The following SEPTIN7 variants were observed in gnomAD, a reference collection of about 807,000 sequenced individuals.
SEPTIN7 encodes septin-7.
In SEPTIN7, 10 loss-of-function variants were observed where a neutral mutation model predicts 63.3. The observed-to-expected ratio is 0.16, with a 90% CI of 0.10 to 0.27. The LOEUF is 0.27. Among genes scored for constraint, SEPTIN7 ranks in the 10% least tolerant of loss-of-function variants. The pLI, the probability that SEPTIN7 is intolerant of heterozygous loss-of-function variation, is 1.00. For synonymous variants in SEPTIN7, 131 were observed against 165.3 expected, an observed-to-expected ratio of 0.79 and a Z score of 1.59; for missense variants, 310 against 521.0, an observed-to-expected ratio of 0.59 and a Z score of 3.94.
chr7:35,847,379 C>A, intron 3 of SEPTIN7: 1 of 165,526 alleles, frequency 6.0e-6, no homozygotes, highest in South Asian at 1.6e-4. Context: ...CATCAGGGCC[C>A]CCGGGTAACT....
At chr7:35,819,871 ACCTTTTGATTGGAGT>A (rs1439526192) in intron 1 of SEPTIN7, among the ~76,000 whole-genome samples, 1 of 151,872 alleles carries the variant, frequency 6.6e-6, no homozygotes, top group African/African-American at 2.4e-5. Flanking sequence ...GCCATTCTTT[ACCTTTTGATTGGAGT>A]CCTATTATAC....
rs538181330 is a variant in SEPTIN7 at position 35,892,843 on chromosome 7, A to G, written c.998+2050A>G. 2.6e-5 allele frequency among the ~76,000 whole-genome samples: 4 copies of G among 152,288 alleles called. No individual in the cohort carries two copies. The South Asian group carries it at 8.3e-4, about 32-fold the overall frequency. ...TGACCATACTTTGCCTATGCAAATAAAAAAAGAAATGTTTGCATTGCTAAA... is the reference window on the plus strand; with the variant it reads ...TGACCATACTTTGCCTATGCAAATAGAAAAAGAAATGTTTGCATTGCTAAA... On this transcript the variant is annotated intron_variant, in intron 11 of 13. Transcript: ENST00000350320.
chr7:35,841,684 G>A (rs528293409), intron 3 of SEPTIN7, among the ~76,000 whole-genome samples: 25 of 152,286 alleles, frequency 1.6e-4, no homozygotes, highest in African/African-American at 5.5e-4. Flanking sequence ...TATGAAGGCC[G>A]CATAGTCTGT....
intron 1 of SEPTIN7, among the ~76,000 whole-genome samples, chr7:35,828,850 T>C (rs1268581995): frequency 6.6e-6 from 1 of 152,174 alleles, no homozygotes; most frequent in East Asian, 1.9e-4. Flanking sequence ...AGCCTCAACC[T>C]CCTGGGCTAA....
At chr7:35,892,051 T>G (rs866470692) in intron 11 of SEPTIN7, among the ~76,000 whole-genome samples, 1 of 152,210 alleles carries the variant, frequency 6.6e-6, no homozygotes, top group South Asian at 2.1e-4. Context: ...CACCATCATA[T>G]ATGCCATCCC....
chr7:35,818,854 GT>G (rs369530002), intron 1 of SEPTIN7, among the ~76,000 whole-genome samples: 33 of 146,360 alleles, frequency 2.3e-4, no homozygotes, highest in Middle Eastern at 3.5e-3. Flanking sequence ...GAGTGTTCTG[GT>G]TTTTTTTTTC....
intron 3 of SEPTIN7, among the ~76,000 whole-genome samples, chr7:35,837,518 C>G (rs1254727787): frequency 1.3e-5 from 2 of 151,956 alleles, no homozygotes; most frequent in Non-Finnish European, 2.9e-5. Context: ...AATAATAAAG[C>G]TTTGGAAGTT....
chr7:35,839,275 A>G (rs888674701), intron 3 of SEPTIN7, among the ~76,000 whole-genome samples: 6 of 152,242 alleles, frequency 3.9e-5, no homozygotes, highest in African/African-American at 7.2e-5. Context: ...GATAATAATC[A>G]TTAATATATG....
chr7:35,891,707 CTG>C (rs1403731646), intron 11 of SEPTIN7, among the ~76,000 whole-genome samples: 2 of 152,168 alleles, frequency 1.3e-5, no homozygotes, highest in East Asian at 3.8e-4. Flanking sequence ...TTTATGAACA[CTG>C]TACACTTAGG....
chr7:35,859,189 G>A (rs754963362), intron 3 of SEPTIN7, among the ~76,000 whole-genome samples: 33 of 151,642 alleles, frequency 2.2e-4, no homozygotes, highest in Non-Finnish European at 4.1e-4. Flanking sequence ...CGTAAGTTTC[G>A]GCATGTTGGG....
chr7:35,849,227 T>A (rs1463561794), intron 3 of SEPTIN7, among the ~76,000 whole-genome samples: 1 of 152,208 alleles, frequency 6.6e-6, no homozygotes, highest in Non-Finnish European at 1.5e-5. Context: ...ATGTATCTAA[T>A]GTAGTCTAGA....
chr7:35,894,543 A>G (rs1787843750), intron 11 of SEPTIN7, among the ~76,000 whole-genome samples: 1 of 152,188 alleles, frequency 6.6e-6, no homozygotes, highest in African/African-American at 2.4e-5. Context: ...TCTTTATTCA[A>G]GTGTCCTTTC....
At chr7:35,822,054 C>G in intron 1 of SEPTIN7, among the ~76,000 whole-genome samples, 1 of 150,850 alleles carries the variant, frequency 6.6e-6, no homozygotes, top group Middle Eastern at 3.6e-3. Flanking sequence ...GGATTACAGG[C>G]GTGAGCCACC....
chr7:35,912,813 A>G, the SEPTIN7 span, among the ~76,000 whole-genome samples: 9 of 152,396 alleles, frequency 5.9e-5, no homozygotes, highest in South Asian at 1.9e-3. Context: ...GCAAGATGGA[A>G]TTAATAATAG....
intron 3 of SEPTIN7, among the ~76,000 whole-genome samples, chr7:35,855,542 T>C (rs1221160067): frequency 6.6e-6 from 1 of 152,208 alleles, no homozygotes; most frequent in African/African-American, 2.4e-5. Context: ...ATTTTAAGCA[T>C]GAGTTTTTCT....
intron 7 of SEPTIN7, 62 bp from the exon 8 acceptor site, chr7:35,882,422 A>G: frequency 8.0e-7 from 1 of 1,243,566 alleles, no homozygotes; most frequent in Non-Finnish European, 1.0e-6. Context: ...CATGTAATGA[A>G]CATAAGACTA....
chr7:35,892,289 AT>A (rs1361902067), intron 11 of SEPTIN7, among the ~76,000 whole-genome samples: 1 of 152,150 alleles, frequency 6.6e-6, no homozygotes, highest in Non-Finnish European at 1.5e-5. Context: ...AAAATACAAG[AT>A]TCTGTTTGAG....
chr7:35,810,894 G>A (rs774301592), intron 1 of SEPTIN7, among the ~76,000 whole-genome samples: 2 of 151,830 alleles, frequency 1.3e-5, no homozygotes, highest in Non-Finnish European at 2.9e-5. Flanking sequence ...AGCCTCCCGA[G>A]TAGCTGGGAT....
intron 3 of SEPTIN7, among the ~76,000 whole-genome samples, chr7:35,849,908 T>A (rs1000848212): frequency 1.3e-5 from 2 of 152,250 alleles, no homozygotes; most frequent in African/African-American, 4.8e-5. Flanking sequence ...TGTTGAAGCC[T>A]GCTTTATTAG....
Sources: gnomAD v4.1 joint callset for allele counts (sites outside exome capture counted in the v4.1 genomes callset) on GRCh38, gnomAD v4.1.1 for gene constraint, MANE v1.5 for transcripts, NCBI Gene and HGNC (gene_info 2026-07-23, HGNC 2026-07-21) for gene names.